Variants in MYO5B observed in about 807,000 individuals in gnomAD.
The protein encoded by MYO5B is myosin VB.
MYO5B carries 143 observed loss-of-function variants against 229.3 expected under a neutral mutation model. The ratio of observed to expected loss-of-function variants is 0.62; its 90% CI spans 0.54 to 0.72. The LOEUF (loss-of-function observed/expected upper bound fraction) is 0.72, where lower values mean the gene tolerates loss of function less well. MYO5B is among the 30% of genes least tolerant of loss of function. The pLI is 0.00. For synonymous variants in MYO5B, 918 were observed against 885.2 expected, an observed-to-expected ratio of 1.04 and a Z score of -0.66; for missense variants, 2,321 against 2,331.0, an observed-to-expected ratio of 1.00 and a Z score of 0.09.
At chr18:49,908,109 C>T (rs1387422619) in intron 18 of MYO5B, among the ~76,000 whole-genome samples, 1 of 152,208 alleles carries the variant, frequency 6.6e-6, no homozygotes, top group Non-Finnish European at 1.5e-5. Context: ...CTGTCTACCG[C>T]ATCCAAGCAA....
intron 1 of MYO5B, among the ~76,000 whole-genome samples, chr18:50,122,975 C>T (rs1176504769): frequency 2.0e-5 from 3 of 152,054 alleles, no homozygotes; most frequent in African/African-American, 7.2e-5. Context: ...ATGCTATATA[C>T]CCAAAATAAC....
At chr18:50,024,094 C>T (rs183798200) in intron 4 of MYO5B, among the ~76,000 whole-genome samples, 52 of 152,240 alleles carry the variant, frequency 3.4e-4, no homozygotes, top group Admixed American at 1.2e-3. Context: ...GGAGTTCGTA[C>T]ACATCAGGTA....
intron 4 of MYO5B, among the ~76,000 whole-genome samples, chr18:50,023,478 A>C (rs1289261209): frequency 6.6e-6 from 1 of 152,220 alleles, no homozygotes; most frequent in Non-Finnish European, 1.5e-5. Context: ...GCTCCAGAGT[A>C]TCTAGATACC....
intron 4 of MYO5B, among the ~76,000 whole-genome samples, chr18:50,015,631 G>A (rs747174146): frequency 1.3e-5 from 2 of 152,168 alleles, no homozygotes; most frequent in Non-Finnish European, 2.9e-5. Context: ...CCAGGGCAAG[G>A]GAAGCTGGCT....
chr18:49,841,663 C>A (rs1386716427), intron 34 of MYO5B, among the ~76,000 whole-genome samples: 1 of 152,172 alleles, frequency 6.6e-6, no homozygotes, highest in Non-Finnish European at 1.5e-5. Context: ...GTGCACAGAA[C>A]CCCCACCTTG....
chr18:50,091,654 G>A (rs999048915), intron 1 of MYO5B, among the ~76,000 whole-genome samples: 2 of 152,240 alleles, frequency 1.3e-5, no homozygotes, highest in African/African-American at 4.8e-5. Flanking sequence ...CTTTGTAGGA[G>A]TCTCACAGGG....
chr18:50,102,733 TA>T (rs112311931), intron 1 of MYO5B, among the ~76,000 whole-genome samples: 37 of 147,244 alleles, frequency 2.5e-4, no homozygotes, highest in Admixed American at 4.1e-4. Context: ...ACCAATGAAT[TA>T]AAAAAAAAAA....
At chr18:50,034,213 G>T (rs1009203499) in intron 4 of MYO5B, among the ~76,000 whole-genome samples, 1 of 152,188 alleles carries the variant, frequency 6.6e-6, no homozygotes, top group East Asian at 1.9e-4. Flanking sequence ...TTATTTCAAT[G>T]ACTACTGATG....
chr18:50,148,672 T>C (rs1385762298), intron 1 of MYO5B, among the ~76,000 whole-genome samples: 5 of 152,082 alleles, frequency 3.3e-5, no homozygotes, highest in Non-Finnish European at 4.4e-5. Flanking sequence ...TAGGTATTGA[T>C]GGGACGTATC....
At chr18:50,172,377 G>A (rs1184813501) in intron 1 of MYO5B, among the ~76,000 whole-genome samples, 1 of 151,430 alleles carries the variant, frequency 6.6e-6, no homozygotes. Flanking sequence ...TTATACGATG[G>A]CCCAGATAAG....
At position 49,889,734 on chromosome 18, in the gene MYO5B, G is replaced by C. The variant is rs111647799; in HGVS notation, c.3045+5207C>G. ...GAACATGCCATCTGACCAGCACAGA[G>C]CGCATGACATCATCACCAAGTGGGT... On this transcript the variant is annotated intron_variant, in intron 22 of 39. Coordinates refer to ENST00000285039, the MANE Select transcript of MYO5B (RefSeq NM_001080467.3). Among the ~76,000 whole-genome samples the C allele has an allele frequency of 3.6e-3, 555 of 152,310 alleles. 5 individuals are homozygous for C. The highest frequency in any genetic ancestry group is 0.011 in the African/African-American group (477 of 41,556).
intron 22 of MYO5B, among the ~76,000 whole-genome samples, chr18:49,882,757 A>G (rs1423360316): frequency 6.6e-6 from 1 of 151,920 alleles, no homozygotes; most frequent in Admixed American, 6.6e-5. Context: ...ATGGTTCTAC[A>G]TTACTCTTAC....
chr18:50,102,098 C>A (rs1333812824), intron 1 of MYO5B, among the ~76,000 whole-genome samples: 1 of 152,034 alleles, frequency 6.6e-6, no homozygotes, highest in East Asian at 1.9e-4. Flanking sequence ...AGGATTGCGT[C>A]CTTGGATGGT....
intron 10 of MYO5B, among the ~76,000 whole-genome samples, chr18:49,965,483 A>ACACC (rs1351541282): frequency 1.3e-5 from 2 of 148,842 alleles, no homozygotes; most frequent in African/African-American, 2.5e-5. Context: ...ACACACACAC[A>ACACC]CCTCTTCTCA....
intron 1 of MYO5B, among the ~76,000 whole-genome samples, chr18:50,112,361 G>A (rs76443499): frequency 1.3e-5 from 2 of 152,090 alleles, no homozygotes; most frequent in South Asian, 2.1e-4. Context: ...GGAATCCTCC[G>A]TACCCAACAA....
rs71169467 is a variant in MYO5B, at chr18:49,957,142, C to CAAAAAAAAAAAAAAAA, written c.1546-2723_1546-2708dup. Among the ~76,000 whole-genome samples, 9 of 58,720 alleles carry CAAAAAAAAAAAAAAAA rather than the reference C, an allele frequency of 1.5e-4. 1 individual carries two copies. The highest frequency in any genetic ancestry group is 6.3e-4 in the African/African-American group (8 of 12,602). The allele number at this position is 58,720 out of a possible 152,430, so 38.5% of individuals were successfully genotyped here. A position where few individuals can be genotyped will look rare whatever the true frequency, so the allele number is the denominator to read the frequency against. On this transcript the variant is annotated intron_variant, in intron 12 of 39. Coordinates refer to ENST00000285039, the MANE Select transcript of MYO5B (RefSeq NM_001080467.3). ...ACTCCTTGCTAGTAAAATAAAGTAG[C>CAAAAAAAAAAAAAAAA]AAAAAAAAAAAAAAAAAAAAAAAGC...
intron 1 of MYO5B, among the ~76,000 whole-genome samples, chr18:50,096,050 GA>G (rs2031543791): frequency 1.3e-5 from 2 of 152,240 alleles, no homozygotes; most frequent in South Asian, 4.2e-4. Context: ...GAACTTCGAA[GA>G]AAACTGTTCT....
chr18:49,866,525 T>C (rs1353774186), intron 27 of MYO5B, among the ~76,000 whole-genome samples: 1 of 152,228 alleles, frequency 6.6e-6, no homozygotes, highest in Non-Finnish European at 1.5e-5. Context: ...CCTCATCTGC[T>C]GCAACCATCA....
chr18:49,962,258 A>C lies in MYO5B; in HGVS notation c.1545+8T>G. 6.2e-7 allele frequency: 1 copy of C among 1,614,150 alleles called. No individual in the cohort carries two copies. The stretch of plus-strand genomic sequence containing the variant: ...TAGAATTGAACTAATTTGCATCATC[A>C]GTTTTACCTTACATTCTTCATCCAA... On this transcript the variant is annotated splice_region_variant and intron_variant, in intron 12 of 39. Coordinates refer to ENST00000285039, the MANE Select transcript of MYO5B (RefSeq NM_001080467.3).
Sources: gnomAD v4.1 joint callset for allele counts (sites outside exome capture counted in the v4.1 genomes callset) on GRCh38, gnomAD v4.1.1 for gene constraint, MANE v1.5 for transcripts, NCBI Gene and HGNC (gene_info 2026-07-23, HGNC 2026-07-21) for gene names.